The following OR9Q1 variants were observed in gnomAD, a reference collection of about 807,000 sequenced individuals.
The protein encoded by OR9Q1 is olfactory receptor family 9 subfamily Q member 1.
For synonymous variants in OR9Q1, 153 were observed against 148.6 expected, an observed-to-expected ratio of 1.03 and a Z score of -0.22; for missense variants, 374 against 378.8, an observed-to-expected ratio of 0.99 and a Z score of 0.11.
At chr11:58,065,083 C>T (rs914557185) in intron 2 of OR9Q1, among the ~76,000 whole-genome samples, 3 of 152,094 alleles carry the variant, frequency 2.0e-5, no homozygotes, top group African/African-American at 4.8e-5. Context: ...TAAACAGCAT[C>T]GGCTCTACAA....
At chr11:58,160,919 TAATC>T (rs972435720) in intron 2 of OR9Q1, among the ~76,000 whole-genome samples, 5 of 152,206 alleles carry the variant, frequency 3.3e-5, no homozygotes, top group Non-Finnish European at 4.4e-5. Context: ...TCACTTAACT[TAATC>T]AAGCCAACTA....
At chr11:58,078,027 C>T (rs182696095) in intron 2 of OR9Q1, among the ~76,000 whole-genome samples, 2 of 152,232 alleles carry the variant, frequency 1.3e-5, no homozygotes, top group African/African-American at 2.4e-5. Flanking sequence ...CATGGTGGTG[C>T]ATGCCTGTAA....
At chr11:58,097,932 G>A (rs561430400) in intron 2 of OR9Q1, among the ~76,000 whole-genome samples, 1 of 152,172 alleles carries the variant, frequency 6.6e-6, no homozygotes, top group Non-Finnish European at 1.5e-5. Flanking sequence ...GCAGATAAGC[G>A]TTTGTAAGGA....
chr11:58,074,835 T>C (rs1853524144), intron 2 of OR9Q1, among the ~76,000 whole-genome samples: 1 of 152,210 alleles, frequency 6.6e-6, no homozygotes, highest in Non-Finnish European at 1.5e-5. Context: ...GTTAACCAGT[T>C]TTCCCAACAC....
intron 2 of OR9Q1, among the ~76,000 whole-genome samples, chr11:58,105,647 A>G (rs183553830): frequency 1.3e-5 from 2 of 152,200 alleles, no homozygotes; most frequent in South Asian, 2.1e-4. Flanking sequence ...CCTTCCCTTC[A>G]TGCCTTGGCA....
chr11:58,149,012 GTCTTTT>G (rs780487380), intron 2 of OR9Q1, among the ~76,000 whole-genome samples: 9 of 152,088 alleles, frequency 5.9e-5, no homozygotes, highest in Non-Finnish European at 1.2e-4. Context: ...AGAACATTGT[GTCTTTT>G]TCTTTTTCTC....
chr11:58,077,578 A>G (rs1019289640), intron 2 of OR9Q1: 1 of 152,134 alleles, frequency 6.6e-6, no homozygotes, highest in Admixed American at 6.6e-5. Context: ...GGATGGATAA[A>G]ATTATTGGCT....
At chr11:58,036,375 A>G (rs918214149) in intron 1 of OR9Q1, among the ~76,000 whole-genome samples, 2 of 152,202 alleles carry the variant, frequency 1.3e-5, no homozygotes, top group South Asian at 2.1e-4. Flanking sequence ...GTTCTGATGG[A>G]AATGTACAAG....
intron 2 of OR9Q1, among the ~76,000 whole-genome samples, chr11:58,150,558 G>A (rs1041318850): frequency 6.6e-6 from 1 of 152,140 alleles, no homozygotes; most frequent in South Asian, 2.1e-4. Context: ...GGTTCCATGA[G>A]GTTATAATGG....
intron 1 of OR9Q1, among the ~76,000 whole-genome samples, chr11:58,043,217 C>T (rs1853183599): frequency 6.6e-6 from 1 of 152,284 alleles, no homozygotes; most frequent in African/African-American, 2.4e-5. Flanking sequence ...TCTTCAGCAC[C>T]TGGTGGTTCC....
At chr11:58,118,125 G>T (rs1853976868) in intron 2 of OR9Q1, 1 of 165,152 alleles carries the variant, frequency 6.1e-6, no homozygotes. Flanking sequence ...AGAGATAAAA[G>T]TGGGATTGAT....
At chr11:58,034,840 T>TCCTTGCTTCC (rs1315010565) in intron 1 of OR9Q1, among the ~76,000 whole-genome samples, 1 of 144,566 alleles carries the variant, frequency 6.9e-6, no homozygotes, top group Non-Finnish European at 1.5e-5. Context: ...CTTCCTTCAT[T>TCCTTGCTTCC]TTTTTTTTTT....
At chr11:58,176,040 C>G (rs1464684870) in intron 2 of OR9Q1, among the ~76,000 whole-genome samples, 1 of 152,104 alleles carries the variant, frequency 6.6e-6, no homozygotes, top group African/African-American at 2.4e-5. Flanking sequence ...TAATGAGGCA[C>G]TTGACTCCCA....
At chr11:58,121,342 T>C (rs981300840) in intron 2 of OR9Q1, among the ~76,000 whole-genome samples, 6 of 152,208 alleles carry the variant, frequency 3.9e-5, no homozygotes, top group East Asian at 1.9e-4. Context: ...TTAAAATGCC[T>C]AAAGCCTTCC....
At chr11:58,081,610 T>C (rs1392657909) in intron 2 of OR9Q1, among the ~76,000 whole-genome samples, 1 of 152,190 alleles carries the variant, frequency 6.6e-6, no homozygotes, top group Non-Finnish European at 1.5e-5. Flanking sequence ...GCTGCATAAA[T>C]GTCTTCTTTT....
intron 2 of OR9Q1, among the ~76,000 whole-genome samples, chr11:58,138,991 A>G (rs974977525): frequency 8.5e-5 from 13 of 152,290 alleles, no homozygotes; most frequent in South Asian, 2.1e-4. Context: ...AATTTACAAT[A>G]GAGTAAGCTA....
intron 2 of OR9Q1, among the ~76,000 whole-genome samples, chr11:58,085,081 T>C (rs1025472412): frequency 2.0e-5 from 3 of 151,928 alleles, no homozygotes; most frequent in East Asian, 1.9e-4. Context: ...TGTAAGTCCA[T>C]GTACGTTAAA....
intron 2 of OR9Q1, among the ~76,000 whole-genome samples, chr11:58,138,411 A>C (rs946927555): frequency 1.3e-5 from 2 of 152,220 alleles, no homozygotes; most frequent in Non-Finnish European, 2.9e-5. Flanking sequence ...TATTTTAGTC[A>C]GCAAAAAAGT....
At chr11:58,059,493 C>G (rs539359721) in intron 2 of OR9Q1, among the ~76,000 whole-genome samples, 2 of 151,832 alleles carry the variant, frequency 1.3e-5, no homozygotes, top group East Asian at 1.9e-4. Context: ...GTCAGGAGTT[C>G]GAGACCAGCC....
Sources: allele counts gnomAD v4.1 joint callset (sites outside exome capture counted in the v4.1 genomes callset), GRCh38; gene constraint gnomAD v4.1.1; transcripts MANE v1.5; gene names NCBI Gene and HGNC (gene_info 2026-07-23, HGNC 2026-07-21).